Variants in CCDC74B observed in about 807,000 individuals in gnomAD.
CCDC74B encodes the protein coiled-coil domain containing 74B.
In CCDC74B, 34 loss-of-function variants were observed where a neutral mutation model predicts 38.0. The observed-to-expected ratio is 0.89, with a 90% CI of 0.68 to 1.19. The LOEUF (loss-of-function observed/expected upper bound fraction) is 1.19. Ranked by LOEUF, CCDC74B falls within the 50% of genes most tolerant of loss-of-function variation. The pLI is 0.00. For synonymous variants in CCDC74B, 132 were observed against 170.4 expected (o/e 0.77, Z 1.76); for missense variants, 358 against 406.0 (o/e 0.88, Z 1.02).
At position 130,139,405 on chromosome 2, in the gene CCDC74B, G is replaced by A; in HGVS notation, c.*150C>T. The A allele has an allele frequency of 9.9e-7, 1 of 1,011,968 alleles. No homozygotes were observed. Among genetic ancestry groups the A allele is most frequent in the Non-Finnish European group, 1.4e-6 (1 of 703,290 alleles). The allele number at this position is 1,011,968 out of a possible 1,614,324, so 62.7% of individuals were successfully genotyped here. Reference sequence around the variant, plus strand: ...CAGCTAGAAAATAAACAGTTTGTCAGTTTGGAGATCAAGTACTTTATCTAT... The same window carrying A: ...CAGCTAGAAAATAAACAGTTTGTCAATTTGGAGATCAAGTACTTTATCTAT... On this transcript the variant is annotated 3_prime_UTR_variant, in exon 8 of 8. Transcript: ENST00000409943.
intron 4 of CCDC74B, 193 bp from the exon 5 acceptor site, chr2:130,140,564 A>G (rs1303962702): frequency 1.1e-5 from 7 of 614,510 alleles, no homozygotes; most frequent in African/African-American, 1.9e-5. Flanking sequence ...TCCCCTCTGA[A>G]GGTGCCCTAA....
At position 130,140,112 on chromosome 2, in the gene CCDC74B, A is replaced by G. The variant is rs1685501493; in HGVS notation, c.679-16T>C. On this transcript the variant is annotated splice_polypyrimidine_tract_variant and intron_variant, in intron 5 of 7. Coordinates refer to ENST00000409943, the MANE Select transcript of CCDC74B (RefSeq NM_001258307.2). ...GGTGCTGCAGCTGAAAGGCAGGGGC[A>G]GGGGCGTGGTGGGGCCTGTGGCGGT... 2 of 1,612,974 alleles carry G rather than the reference A, an allele frequency of 1.2e-6. No homozygotes were observed. Among genetic ancestry groups the G allele is most frequent in the Non-Finnish European group, 1.7e-6 (2 of 1,179,802 alleles).
chr2:130,142,749 G>A lies in CCDC74B; in HGVS notation c.295+520C>T, dbSNP rs939465353. ...CTGGGTGGGGGCCGCTGTCAGGATG[G>A]GGAAGTGCCTTGGACAAGTGGCAAG... On this transcript the variant is annotated intron_variant, in intron 2 of 7. Coordinates refer to ENST00000409943, the MANE Select transcript of CCDC74B (RefSeq NM_001258307.2). The A allele has an allele frequency of 6.5e-6, 10 of 1,548,934 alleles. No individual in the cohort carries two copies. In the East Asian group the frequency reaches 7.3e-5, roughly 11 times the overall value.
In CCDC74B at chr2:130,139,395, C is replaced by T; in HGVS notation, c.*160G>A. The T allele has an allele frequency of 3.3e-6, 3 of 900,296 alleles. No individual in the cohort carries two copies. The highest frequency in any genetic ancestry group is 5.0e-6 in the Non-Finnish European group (3 of 604,794). The allele number at this position is 900,296 out of a possible 1,614,324, so 55.8% of individuals were successfully genotyped here. On this transcript the variant is annotated 3_prime_UTR_variant, in exon 8 of 8. Transcript: ENST00000409943. ...AGCAAAATAACAGCTAGAAAATAAACAGTTTGTCAGTTTGGAGATCAAGTA... is the reference window on the plus strand; with the variant it reads ...AGCAAAATAACAGCTAGAAAATAAATAGTTTGTCAGTTTGGAGATCAAGTA...
chr2:130,140,384 T>G lies in CCDC74B; in HGVS notation c.486-13A>C. On this transcript the variant is annotated splice_polypyrimidine_tract_variant and intron_variant, in intron 4 of 7. Transcript: ENST00000409943. ...TGCTTTCTCCTTTCTGAAACAGTCA[T>G]TGCAGCAGCCAGAGGTGACCTGCCC... The G allele has an allele frequency of 6.4e-7, 1 of 1,552,738 alleles. No individual in the cohort carries two copies. Among genetic ancestry groups the G allele is most frequent in the Non-Finnish European group, 8.7e-7 (1 of 1,150,770 alleles).
At chr2:130,143,734 G>T (rs755452683) in intron 1 of CCDC74B, among the ~76,000 whole-genome samples, 2 of 151,978 alleles carry the variant, frequency 1.3e-5, no homozygotes, top group Non-Finnish European at 2.9e-5. Flanking sequence ...GGGAAGCGGG[G>T]TCCTGACAAA....
rs1685876836 is a variant in CCDC74B at position 130,144,240 on chromosome 2, C to T, written c.250+507G>A. On this transcript the variant is annotated intron_variant, in intron 1 of 7. Coordinates refer to ENST00000409943, the MANE Select transcript of CCDC74B (RefSeq NM_001258307.2). ...CTGCAAGCTCCGCCTCCCGGGTTCA[C>T]GCCATTCTCCTGCCTCAGCCTCCCG... 4 of 376,584 alleles carry T rather than the reference C, an allele frequency of 1.1e-5. No homozygotes were observed. In the Admixed American group the frequency reaches 1.1e-4, roughly 10 times the overall value. 23.3% of individuals were successfully genotyped at this position (376,584 alleles called of 1,614,324 possible).
intron 1 of CCDC74B, among the ~76,000 whole-genome samples, chr2:130,143,819 G>T (rs1256742080): frequency 6.6e-6 from 1 of 151,958 alleles, no homozygotes; most frequent in Non-Finnish European, 1.5e-5. Flanking sequence ...AGGAGGCCGC[G>T]GGCACTGGTG....
Position 130,140,366 on chromosome 2 carries a change from T to C in CCDC74B, c.491A>G (p.Glu164Gly). ...TCCTGCGTTAGAGGCCTCTGCTTTC[T>C]CCTTTCTGAAACAGTCATTGCAGCA... Reference protein sequence around the residue: ...VPGVQGQARKEKAEASNAGAA... With the variant: ...VPGVQGQARKGKAEASNAGAA... Residue 164 changes from glutamate to glycine, a missense_variant, in exon 5 of 8, where the codon GAG (glutamate) becomes GGG (glycine). Glu to Gly is a moderately conservative substitution (Grantham distance 98, BLOSUM62 -2). Coordinates refer to ENST00000409943, the MANE Select transcript of CCDC74B (RefSeq NM_001258307.2). 6.4e-7 allele frequency: 1 copy of C among 1,573,752 alleles called. No individual in the cohort carries two copies. The highest frequency in any genetic ancestry group is 8.6e-7 in the Non-Finnish European group (1 of 1,161,274).
At chr2:130,144,202 A>T (rs1017603709) in intron 1 of CCDC74B, among the ~76,000 whole-genome samples, 15 of 152,030 alleles carry the variant, frequency 9.9e-5, no homozygotes, top group Admixed American at 3.3e-4. Context: ...TGCAGTGGCA[A>T]GATCTCGGCT....
chr2:130,145,101 G>T lies in CCDC74B; in HGVS notation c.-105C>A. 7.1e-7 allele frequency: 1 copy of T among 1,398,872 alleles called. No homozygotes were observed. The highest frequency in any genetic ancestry group is 9.3e-7 in the Non-Finnish European group (1 of 1,078,358). The allele number at this position is 1,398,872 out of a possible 1,614,324, so 86.7% of individuals were successfully genotyped here. A position where few individuals can be genotyped will look rare whatever the true frequency, so the allele number is the denominator to read the frequency against. On this transcript the variant is annotated 5_prime_UTR_variant, in exon 1 of 8. Transcript: ENST00000409943. ...CCATGGAAACCGGGCGACGGAGGGC[G>T]CCAGGCGTTTGGCGGGGGCGGGGCC... is the stretch of plus-strand genomic sequence containing the variant.
At chr2:130,139,833 C>T in intron 7 of CCDC74B, 58 bp downstream of exon 7, 1 of 1,610,570 alleles carries the variant, frequency 6.2e-7, no homozygotes, top group South Asian at 1.1e-5. Flanking sequence ...TTCCCCACTC[C>T]CTCCCTGGGG....
chr2:130,144,266 A>G (rs1454614992), intron 1 of CCDC74B: 4 of 400,362 alleles, frequency 1.0e-5, no homozygotes, highest in South Asian at 2.0e-5. Flanking sequence ...CAGCCTCCCG[A>G]GTAGCTGGGA....
chr2:130,140,439 C>T, intron 4 of CCDC74B, 68 bp from the exon 5 acceptor site: 9 of 1,490,512 alleles, frequency 6.0e-6, no homozygotes, highest in Non-Finnish European at 6.3e-6. Context: ...CCCAGCATAC[C>T]TCCCCAGGCA....
chr2:130,139,816 C>G (rs556340360), intron 7 of CCDC74B, 75 bp downstream of exon 7: 1 of 1,610,624 alleles, frequency 6.2e-7, no homozygotes, highest in Non-Finnish European at 8.5e-7. Context: ...TGCGCTGCCA[C>G]GCTCCCTTCC....
rs755374516 is a variant in CCDC74B at position 130,144,871 on chromosome 2, C to G, written c.126G>C (p.Arg42Ser). 6.2e-6 allele frequency: 10 copies of G among 1,613,316 alleles called. No homozygotes were observed. The highest frequency in any genetic ancestry group is 1.3e-5 in the African/African-American group (1 of 74,692). The change falls in exon 1 of 8, where the codon AGG (arginine) becomes AGC (serine). Residue 42 changes from arginine (R) to serine (S), a missense_variant. Around this residue, in one of 3 missense-constraint regions of CCDC74B, gnomAD observed 128 missense variants for 146.7 expected, o/e 0.87. Coordinates refer to ENST00000409943, the MANE Select transcript of CCDC74B (RefSeq NM_001258307.2). Reference protein sequence around the residue: ...QSLRPQSPQLRQSDPQKRNLD... With the variant: ...QSLRPQSPQLSQSDPQKRNLD... ...GGTTCCGTTTCTGCGGGTCGCTCTG[C>G]CTGAGCTGCGGGCTCTGCGGCCTCA...
intron 1 of CCDC74B, among the ~76,000 whole-genome samples, chr2:130,144,159 A>G (rs1685868679): frequency 6.6e-6 from 1 of 152,058 alleles, no homozygotes; most frequent in African/African-American, 2.4e-5. Context: ...GTTTTTTTTG[A>G]GACGGAGTCT....
chr2:130,144,678 G>A (rs568604053), intron 1 of CCDC74B, 69 bp downstream of exon 1: 4 of 1,582,194 alleles, frequency 2.5e-6, no homozygotes, highest in East Asian at 4.6e-5. Context: ...GTGTTTCTGT[G>A]CTGCGGGAGC....
intron 1 of CCDC74B, 67 bp downstream of exon 1, chr2:130,144,680 T>G: frequency 6.3e-7 from 1 of 1,584,990 alleles, no homozygotes; most frequent in South Asian, 1.1e-5. Flanking sequence ...GTTTCTGTGC[T>G]GCGGGAGCGG....
Sources: allele counts gnomAD v4.1 joint callset (sites outside exome capture counted in the v4.1 genomes callset), GRCh38; gene constraint gnomAD v4.1.1; regional missense constraint gnomAD v4.1.1; transcripts MANE v1.5; gene names NCBI Gene and HGNC (gene_info 2026-07-23, HGNC 2026-07-21).